RLIG1: variants seen among roughly 807,000 people sequenced by gnomAD.
The protein encoded by RLIG1 is RNA ligase 1.
the RLIG1 span, among the ~76,000 whole-genome samples, chr12:88,039,848 G>A: frequency 1.3e-5 from 2 of 152,118 alleles, no homozygotes; most frequent in Non-Finnish European, 2.9e-5. Context: ...AATAATTGCA[G>A]GTATATGATT....
At chr12:88,046,909 T>G in the RLIG1 span, 2 of 1,613,164 alleles carry the variant, frequency 1.2e-6, no homozygotes, top group Non-Finnish European at 1.7e-6. Context: ...GTGTCCTGGT[T>G]TGAAGATTGC....
the RLIG1 span, chr12:88,035,741 A>G: frequency 6.3e-7 from 1 of 1,592,290 alleles, no homozygotes; most frequent in Non-Finnish European, 8.6e-7. Context: ...AGCATCAGGT[A>G]CGGAGGAGCG....
the RLIG1 span, among the ~76,000 whole-genome samples, chr12:88,047,857 T>TATC: frequency 2.6e-5 from 4 of 152,164 alleles, no homozygotes; most frequent in Non-Finnish European, 4.4e-5. Context: ...AACTCCATTC[T>TATC]ATCATATAAC....
At chr12:88,048,238 A>G in the RLIG1 span, 2 of 1,549,292 alleles carry the variant, frequency 1.3e-6, no homozygotes, top group Non-Finnish European at 1.7e-6. Context: ...TTCCAGGTCC[A>G]TCGCCATCAT....
At chr12:88,049,273 G>T in the RLIG1 span, 1 of 1,609,680 alleles carries the variant, frequency 6.2e-7, no homozygotes, top group Non-Finnish European at 8.5e-7. Flanking sequence ...ACTCCCAATT[G>T]TTCTGAAAGT....
chr12:88,035,856 A>G, the RLIG1 span: 1 of 1,523,586 alleles, frequency 6.6e-7, no homozygotes, highest in Non-Finnish European at 8.8e-7. Context: ...CAGGCCAGGA[A>G]CCTCTGTAGG....
the RLIG1 span, chr12:88,045,790 A>G: frequency 6.2e-7 from 1 of 1,603,884 alleles, no homozygotes; most frequent in Non-Finnish European, 8.5e-7. Flanking sequence ...GTGAGTGAAG[A>G]CTTTTTCTTG....
the RLIG1 span, among the ~76,000 whole-genome samples, chr12:88,039,715 A>G: frequency 6.6e-6 from 1 of 152,124 alleles, no homozygotes; most frequent in Non-Finnish European, 1.5e-5. Flanking sequence ...CTAACATTAT[A>G]TTATGCATTG....
the RLIG1 span, chr12:88,035,960 A>C: frequency 1.3e-6 from 2 of 1,523,982 alleles, no homozygotes; most frequent in African/African-American, 2.8e-5. Context: ...TTTGCGAAAG[A>C]ATTTTCCTTA....
chr12:88,045,037 A>C, the RLIG1 span: 1 of 152,388 alleles, frequency 6.6e-6, no homozygotes, highest in East Asian at 1.9e-4. Flanking sequence ...AGTGGGTTGG[A>C]TTTCACTGGA....
chr12:88,035,849 G>A, the RLIG1 span: 1 of 1,529,078 alleles, frequency 6.5e-7, no homozygotes, highest in Non-Finnish European at 8.8e-7. Context: ...TGCCCTGCAG[G>A]CCAGGAACCT....
the RLIG1 span, chr12:88,047,116 C>G: frequency 1.2e-6 from 1 of 834,818 alleles, no homozygotes. Context: ...TCCCATGTAC[C>G]ACCATTTTTT....
the RLIG1 span, among the ~76,000 whole-genome samples, chr12:88,039,379 G>A: frequency 5.9e-5 from 9 of 152,118 alleles, no homozygotes; most frequent in African/African-American, 2.2e-4. Flanking sequence ...ATGTACTGAA[G>A]AGTAGATTGA....
At chr12:88,049,010 T>C in the RLIG1 span, 4 of 418,968 alleles carry the variant, frequency 9.5e-6, no homozygotes, top group Non-Finnish European at 1.7e-5. Flanking sequence ...GTATATACTT[T>C]TATAATAAGT....
At chr12:88,042,802 T>G in the RLIG1 span, 1 of 1,440,172 alleles carries the variant, frequency 6.9e-7, no homozygotes, top group Non-Finnish European at 9.2e-7. Context: ...ATCATACTTT[T>G]CCTTTTGTTA....
At chr12:88,047,182 G>A in the RLIG1 span, among the ~76,000 whole-genome samples, 1 of 152,070 alleles carries the variant, frequency 6.6e-6, no homozygotes, top group African/African-American at 2.4e-5. Flanking sequence ...ATCATAACAG[G>A]TGTGCTTCAG....
the RLIG1 span, among the ~76,000 whole-genome samples, chr12:88,037,266 G>T: frequency 6.6e-6 from 1 of 152,052 alleles, no homozygotes; most frequent in African/African-American, 2.4e-5. Context: ...AGCCATTTCA[G>T]TGATTTCCCC....
the RLIG1 span, chr12:88,036,166 C>A: frequency 9.3e-7 from 1 of 1,076,758 alleles, no homozygotes; most frequent in Non-Finnish European, 1.2e-6. Flanking sequence ...CTGTCCGAAC[C>A]AGTGGCGGTG....
At chr12:88,042,991 T>C in the RLIG1 span, 1 of 830,800 alleles carries the variant, frequency 1.2e-6, no homozygotes, top group Non-Finnish European at 1.8e-6. Flanking sequence ...GTGGTATTTC[T>C]ATACATTATA....
Sources: allele counts gnomAD v4.1 joint callset (sites outside exome capture counted in the v4.1 genomes callset), GRCh38; gene constraint gnomAD v4.1.1; transcripts MANE v1.5; gene names NCBI Gene and HGNC (gene_info 2026-07-23, HGNC 2026-07-21).